FRMD6: variants seen among roughly 807,000 people sequenced by gnomAD.
The protein encoded by FRMD6 is FERM domain containing 6, also known as FERM domain-containing protein 6.
In FRMD6, 37 loss-of-function variants were observed where a neutral mutation model predicts 73.2. The ratio of observed to expected loss-of-function variants is 0.51; its 90% CI spans 0.39 to 0.66. The LOEUF (loss-of-function observed/expected upper bound fraction) is 0.66. Among genes scored for constraint, FRMD6 ranks in the 30% least tolerant of loss-of-function variants. The pLI, the probability that FRMD6 is intolerant of heterozygous loss-of-function variation, is 0.00. For missense variants in FRMD6, 714 were observed against 780.5 expected (o/e 0.91, Z 1.02); for synonymous variants, 273 against 282.2 (o/e 0.97, Z 0.33).
intron 2 of FRMD6, among the ~76,000 whole-genome samples, chr14:51,623,509 A>G (rs1891007969): frequency 6.6e-6 from 1 of 152,204 alleles, no homozygotes; most frequent in African/African-American, 2.4e-5. Flanking sequence ...TATTTTTGAA[A>G]GGACACACAG....
intron 2 of FRMD6, among the ~76,000 whole-genome samples, chr14:51,645,017 T>G (rs1180888527): frequency 6.6e-6 from 1 of 152,196 alleles, no homozygotes; most frequent in Non-Finnish European, 1.5e-5. Context: ...TCAATCTCCA[T>G]GATCTAATTA....
At chr14:51,433,510 A>C in the FRMD6 span, among the ~76,000 whole-genome samples, 6 of 152,342 alleles carry the variant, frequency 3.9e-5, 1 homozygote, top group African/African-American at 1.4e-4. Context: ...ATCATACTAA[A>C]TACATATCTG....
chr14:51,614,214 T>A (rs1226444641), intron 2 of FRMD6, among the ~76,000 whole-genome samples: 1 of 152,026 alleles, frequency 6.6e-6, no homozygotes, highest in Non-Finnish European at 1.5e-5. Flanking sequence ...GGTTGGTTGG[T>A]TTTTTTGTTT....
chr14:51,679,555 C>CTTTTTTTTTT (rs61250963), intron 1 of FRMD6, among the ~76,000 whole-genome samples: 120 of 120,372 alleles, frequency 1.0e-3, no homozygotes, highest in Non-Finnish European at 1.5e-3. Flanking sequence ...CATTTGTTTT[C>CTTTTTTTTTT]TTTTTTTTTT....
At chr14:51,509,971 G>T (rs1884203328) in intron 1 of FRMD6, among the ~76,000 whole-genome samples, 1 of 152,250 alleles carries the variant, frequency 6.6e-6, no homozygotes, top group Non-Finnish European at 1.5e-5. Context: ...TCCCAATGGA[G>T]GCGGTCCAAG....
the FRMD6 span, among the ~76,000 whole-genome samples, chr14:51,442,370 C>G: frequency 1.3e-5 from 2 of 152,062 alleles, no homozygotes; most frequent in Admixed American, 1.3e-4. Flanking sequence ...TACACATGTA[C>G]TCCCACCCCT....
chr14:51,658,162 C>G (rs1298781634), intron 1 of FRMD6, among the ~76,000 whole-genome samples: 2 of 152,154 alleles, frequency 1.3e-5, no homozygotes, highest in East Asian at 3.8e-4. Context: ...GGATGGGTGC[C>G]CTTTTCTGAT....
rs571984464 is a variant in FRMD6 at position 51,663,605 on chromosome 14, G to T, written c.-147+11609G>T. Among the ~76,000 whole-genome samples, 17 of 152,316 alleles carry T rather than the reference G, an allele frequency of 1.1e-4. 1 individual carries two copies. The East Asian group carries it at 3.3e-3, about 29-fold the overall frequency. ...GGACATACACTGGGGCTTACCAGAG[G>T]ATGGAGGTTGGGAGGAGGGAGAGGA... On this transcript the variant is annotated intron_variant, in intron 1 of 13. Coordinates refer to ENST00000344768, the MANE Select transcript of FRMD6 (RefSeq NM_001267046.2).
the FRMD6 span, among the ~76,000 whole-genome samples, chr14:51,471,360 G>A: frequency 1.3e-5 from 2 of 151,996 alleles, no homozygotes; most frequent in Admixed American, 1.3e-4. Flanking sequence ...AATTAGCCGG[G>A]CGTGGTGGCA....
chr14:51,566,956 C>G (rs726530), intron 1 of FRMD6, among the ~76,000 whole-genome samples: 2,692 of 152,262 alleles, frequency 0.018, 74 homozygotes, highest in African/African-American at 0.061. Context: ...TGTTAATGCA[C>G]AGCAGGCATT....
chr14:51,723,862 A>G (rs1897784099), intron 12 of FRMD6, among the ~76,000 whole-genome samples: 1 of 152,154 alleles, frequency 6.6e-6, no homozygotes, highest in Admixed American at 6.5e-5. Context: ...TTTTCAAACA[A>G]TATTTAATAA....
chr14:51,685,546 A>G (rs1895092364), intron 1 of FRMD6, among the ~76,000 whole-genome samples: 1 of 152,210 alleles, frequency 6.6e-6, no homozygotes, highest in Non-Finnish European at 1.5e-5. Context: ...TCATTTTACT[A>G]AAGACATTTT....
chr14:51,570,760 C>G (rs565018563), intron 2 of FRMD6, among the ~76,000 whole-genome samples: 1 of 152,228 alleles, frequency 6.6e-6, no homozygotes, highest in South Asian at 2.1e-4. Context: ...AAATATCTCT[C>G]TGGGTCGATT....
chr14:51,724,591 A>G (rs1462063186), intron 12 of FRMD6, among the ~76,000 whole-genome samples: 1 of 152,318 alleles, frequency 6.6e-6, no homozygotes, highest in Non-Finnish European at 1.5e-5. Flanking sequence ...CTAATTATTG[A>G]ATACTTAATA....
chr14:51,521,774 G>T (rs1030852637), intron 1 of FRMD6, among the ~76,000 whole-genome samples: 1 of 151,416 alleles, frequency 6.6e-6, no homozygotes, highest in South Asian at 2.1e-4. Flanking sequence ...CATGCAGGAG[G>T]CTTAATACAT....
chr14:51,572,771 G>A (rs1451215801), intron 2 of FRMD6, among the ~76,000 whole-genome samples: 5 of 152,140 alleles, frequency 3.3e-5, no homozygotes, highest in Non-Finnish European at 5.9e-5. Flanking sequence ...AATTGAATTC[G>A]GAAGGCCAAA....
At chr14:51,423,604 C>T in the FRMD6 span, among the ~76,000 whole-genome samples, 1 of 152,182 alleles carries the variant, frequency 6.6e-6, no homozygotes, top group Non-Finnish European at 1.5e-5. Context: ...TTAAACTCCC[C>T]TGTCCCATAC....
chr14:51,430,418 C>T, the FRMD6 span, among the ~76,000 whole-genome samples: 6 of 152,152 alleles, frequency 3.9e-5, no homozygotes, highest in Non-Finnish European at 7.4e-5. Flanking sequence ...GAAGATCTAA[C>T]CCACTGCTGT....
the FRMD6 span, among the ~76,000 whole-genome samples, chr14:51,428,270 G>GC: frequency 7.0e-3 from 1,070 of 152,180 alleles, 12 homozygotes; most frequent in African/African-American, 0.025. Context: ...TGCCCAGGCT[G>GC]CCCCCCACCC....
Sources: gnomAD v4.1 joint callset for allele counts (sites outside exome capture counted in the v4.1 genomes callset) on GRCh38, gnomAD v4.1.1 for gene constraint, MANE v1.5 for transcripts, NCBI Gene and HGNC (gene_info 2026-07-23, HGNC 2026-07-21) for gene names.